CSMD2: variants seen among roughly 807,000 people sequenced by gnomAD.
CSMD2 encodes CUB and Sushi multiple domains 2, also known as CUB and sushi domain-containing protein 2.
Under a neutral mutation model 398.5 loss-of-function variants are expected in CSMD2, and 130 were observed. The ratio of observed to expected loss-of-function variants is 0.33; its 90% CI spans 0.28 to 0.38. The LOEUF (loss-of-function observed/expected upper bound fraction) is 0.38, where lower values mean the gene tolerates loss of function less well. Among genes scored for constraint, CSMD2 ranks in the 10% least tolerant of loss-of-function variants. The pLI is 1.00. For missense variants in CSMD2, 3,829 were observed against 4,764.9 expected (o/e 0.80, Z 5.78); for synonymous variants, 1,828 against 1,908.5 (o/e 0.96, Z 1.10).
intron 2 of CSMD2, among the ~76,000 whole-genome samples, chr1:34,044,551 G>A (rs1363323218): frequency 6.7e-6 from 1 of 149,940 alleles, no homozygotes; most frequent in Non-Finnish European, 1.5e-5. Flanking sequence ...TGTCAGCCAT[G>A]AGGCTGCTGA....
At chr1:34,072,265 C>T (rs986681889) in intron 2 of CSMD2, among the ~76,000 whole-genome samples, 5 of 152,180 alleles carry the variant, frequency 3.3e-5, no homozygotes, top group Admixed American at 2.0e-4. Context: ...GGACTCAATA[C>T]TTGGGAAGTG....
chr1:34,100,108 T>C (rs1373889109), intron 1 of CSMD2, among the ~76,000 whole-genome samples: 1 of 152,198 alleles, frequency 6.6e-6, no homozygotes, highest in Non-Finnish European at 1.5e-5. Flanking sequence ...TCCATGCATA[T>C]TTCACACTGG....
intron 1 of CSMD2, among the ~76,000 whole-genome samples, chr1:34,151,069 T>C (rs1488741283): frequency 6.6e-6 from 1 of 152,220 alleles, no homozygotes; most frequent in Admixed American, 6.5e-5. Context: ...GAAGATATTC[T>C]ACCTGCAAAT....
At chr1:33,646,026 G>A (rs1643408086) in intron 29 of CSMD2, among the ~76,000 whole-genome samples, 1 of 152,184 alleles carries the variant, frequency 6.6e-6, no homozygotes, top group Non-Finnish European at 1.5e-5. Context: ...ACTATTTTTA[G>A]GGGAAAAATT....
At position 33,519,784 on chromosome 1, in the gene CSMD2, C is replaced by A; in HGVS notation, c.10736+28G>T. The A allele has an allele frequency of 6.2e-7, 1 of 1,613,106 alleles. No individual in the cohort carries two copies. Among genetic ancestry groups the A allele is most frequent in the Non-Finnish European group, 8.5e-7 (1 of 1,179,278 alleles). Reference sequence around the variant, plus strand: ...GGGAGAGAGGGAGGCCTGCCTGATGCCCGCCCTGCCTCCTTCCTGCACGGT... The same window carrying A: ...GGGAGAGAGGGAGGCCTGCCTGATGACCGCCCTGCCTCCTTCCTGCACGGT... On this transcript the variant is annotated intron_variant, in intron 69 of 70. Transcript: ENST00000373381. The surrounding 1 kb of genome is among the most constrained non-coding windows in gnomAD (Gnocchi z 5.6).
intron 3 of CSMD2, among the ~76,000 whole-genome samples, chr1:34,022,226 A>G (rs1014281361): frequency 1.3e-5 from 2 of 152,186 alleles, no homozygotes; most frequent in Non-Finnish European, 2.9e-5. Context: ...CCACTTAGTG[A>G]GTGTTTATTC....
chr1:34,085,399 T>TAATAAA (rs565124570), intron 2 of CSMD2, among the ~76,000 whole-genome samples: 2 of 150,360 alleles, frequency 1.3e-5, no homozygotes, highest in African/African-American at 4.9e-5. Context: ...ATAATAATAA[T>TAATAAA]AATAAATAAA....
intron 22 of CSMD2, among the ~76,000 whole-genome samples, chr1:33,704,911 C>G (rs576661611): frequency 6.6e-6 from 1 of 151,930 alleles, no homozygotes; most frequent in African/African-American, 2.4e-5. Flanking sequence ...TACAGGCACC[C>G]GCCATCACGT....
At chr1:33,950,263 C>G (rs11801837) in intron 3 of CSMD2, among the ~76,000 whole-genome samples, 4,478 of 152,132 alleles carry the variant, frequency 0.029, 227 homozygotes, top group African/African-American at 0.1. Context: ...GTGTCAAGCT[C>G]TAGAATATCA....
intron 60 of CSMD2, among the ~76,000 whole-genome samples, chr1:33,540,135 C>T (rs925306143): frequency 5.3e-5 from 8 of 152,026 alleles, no homozygotes; most frequent in Non-Finnish European, 1.0e-4. Flanking sequence ...AAGCAACTCA[C>T]CAGAAAATCA....
intron 2 of CSMD2, among the ~76,000 whole-genome samples, chr1:34,073,755 G>A (rs912119185): frequency 6.6e-6 from 1 of 152,180 alleles, no homozygotes; most frequent in African/African-American, 2.4e-5. Flanking sequence ...GGAGACCCCT[G>A]GCCCACCCCT....
At chr1:33,586,672 C>T (rs16835645) in intron 45 of CSMD2, 55 bp from the exon 46 acceptor site, 61,754 of 1,077,554 alleles carry the variant, frequency 0.057, 1,958 homozygotes, top group Middle Eastern at 0.099. Flanking sequence ...TCATTAGTAC[C>T]TTGAACCCAC....
intron 3 of CSMD2, among the ~76,000 whole-genome samples, chr1:33,949,880 GC>G (rs915354049): frequency 6.6e-6 from 1 of 152,044 alleles, no homozygotes; most frequent in African/African-American, 2.4e-5. Context: ...CTACTTTCGG[GC>G]TTCTCTAAGT....
At chr1:33,641,726 C>T (rs1043758710) in intron 29 of CSMD2, among the ~76,000 whole-genome samples, 1 of 152,198 alleles carries the variant, frequency 6.6e-6, no homozygotes, top group African/African-American at 2.4e-5. Flanking sequence ...AAACCCACCC[C>T]TCTTTGCCTT....
intron 3 of CSMD2, among the ~76,000 whole-genome samples, chr1:34,010,155 C>T (rs553238494): frequency 3.3e-5 from 5 of 152,288 alleles, no homozygotes; most frequent in African/African-American, 1.2e-4. Flanking sequence ...GAATCACATG[C>T]AGCTTTCCAC....
chr1:33,734,173 C>T (rs1646809360), intron 15 of CSMD2, among the ~76,000 whole-genome samples: 1 of 152,168 alleles, frequency 6.6e-6, no homozygotes, highest in African/African-American at 2.4e-5. Context: ...TTCTTTATTA[C>T]AGTACTTGCT....
intron 1 of CSMD2, among the ~76,000 whole-genome samples, chr1:34,146,654 A>T (rs1380443156): frequency 2.6e-5 from 4 of 152,184 alleles, no homozygotes; most frequent in Admixed American, 2.6e-4. Context: ...TAAAATCCAT[A>T]AGATGTGGTT....
Position 34,052,819 on chromosome 1 carries a change from C to T in CSMD2, c.405-20113G>A, listed in dbSNP as rs970756173. Among the ~76,000 whole-genome samples, 6 of 152,074 alleles carry T rather than the reference C, an allele frequency of 3.9e-5. No homozygotes were observed. In the South Asian group the frequency reaches 1.0e-3, roughly 26 times the overall value. ...TGAGGAATTGGTGGTATAAGTGTTT[C>T]GAGAAGAATTAGGTCATTGGCAGCA... On this transcript the variant is annotated intron_variant, in intron 2 of 70. Coordinates refer to ENST00000373381, the MANE Select transcript of CSMD2 (RefSeq NM_001281956.2).
At chr1:33,948,770 C>T (rs1051322525) in intron 3 of CSMD2, among the ~76,000 whole-genome samples, 4 of 152,192 alleles carry the variant, frequency 2.6e-5, no homozygotes, top group African/African-American at 7.2e-5. Flanking sequence ...TGTTTAAGCT[C>T]CTGTTTTCCC....
Sources: gnomAD v4.1 joint callset for allele counts (sites outside exome capture counted in the v4.1 genomes callset) on GRCh38, gnomAD v4.1.1 for gene constraint, Gnocchi (gnomAD v3.1) non-coding constraint, MANE v1.5 for transcripts, NCBI Gene and HGNC (gene_info 2026-07-23, HGNC 2026-07-21) for gene names.